The following RAD51B variants were observed in gnomAD, a reference collection of about 807,000 sequenced individuals.
RAD51B encodes the protein DNA repair protein RAD51 homolog 2.
In RAD51B, 38 loss-of-function variants were observed where a neutral mutation model predicts 42.2. That is an observed-to-expected ratio of 0.90 (90% confidence interval 0.70 to 1.18). The LOEUF is 1.18. Ranked by LOEUF, RAD51B falls within the 50% of genes most tolerant of loss-of-function variation. RAD51B has a pLI of 0.00. For missense variants in RAD51B, 373 were observed against 400.7 expected, an observed-to-expected ratio of 0.93 and a Z score of 0.59; for synonymous variants, 154 against 145.2, an observed-to-expected ratio of 1.06 and a Z score of -0.43.
intron 10 of RAD51B, among the ~76,000 whole-genome samples, chr14:68,511,036 G>C (rs1885694166): frequency 6.6e-6 from 1 of 152,118 alleles, no homozygotes; most frequent in Non-Finnish European, 1.5e-5. Flanking sequence ...ATCTAAAGCT[G>C]GTCTGGAATC....
intron 7 of RAD51B, among the ~76,000 whole-genome samples, chr14:67,971,816 T>C (rs908451163): frequency 6.6e-6 from 1 of 152,010 alleles, no homozygotes; most frequent in Admixed American, 6.6e-5. Flanking sequence ...CACATCACTC[T>C]GCTTTGCCTT....
intron 9 of RAD51B, among the ~76,000 whole-genome samples, chr14:68,461,671 T>C (rs1233875389): frequency 6.6e-6 from 1 of 152,200 alleles, no homozygotes; most frequent in Non-Finnish European, 1.5e-5. Flanking sequence ...TTTCTCTTTT[T>C]TGAGAGTCTT....
chr14:67,937,258 C>T (rs2044988475), intron 7 of RAD51B, among the ~76,000 whole-genome samples: 1 of 152,110 alleles, frequency 6.6e-6, no homozygotes, highest in African/African-American at 2.4e-5. Context: ...AACATAATGT[C>T]CTACAGCACA....
At chr14:68,293,739 C>T (rs1015563146) in intron 8 of RAD51B, among the ~76,000 whole-genome samples, 2 of 152,272 alleles carry the variant, frequency 1.3e-5, no homozygotes, top group Non-Finnish European at 2.9e-5. Flanking sequence ...TCCTCTGTGG[C>T]CGCTCTATCT....
chr14:67,884,509 A>G (rs981944419), intron 5 of RAD51B, among the ~76,000 whole-genome samples: 1 of 152,206 alleles, frequency 6.6e-6, no homozygotes, highest in African/African-American at 2.4e-5. Flanking sequence ...TTCTCTGACC[A>G]GCACTAAACT....
chr14:68,562,855 G>T, intron 10 of RAD51B: 1 of 985,370 alleles, frequency 1.0e-6, no homozygotes, highest in Non-Finnish European at 1.2e-6. Context: ...GTTCACAGCA[G>T]CTCTGGAAGA....
Position 68,673,615 on chromosome 14 carries a change from G to A in RAD51B, c.*11+22759G>A, listed in dbSNP as rs575348582. 3.5e-3 allele frequency among the ~76,000 whole-genome samples: 399 copies of A among 114,960 alleles called. 4 individuals carry two copies. The highest frequency in any genetic ancestry group is 0.013 in the African/African-American group (374 of 28,354). The allele number at this position is 114,960 out of a possible 152,430, so 75.4% of individuals were successfully genotyped here. A position where few individuals can be genotyped will look rare whatever the true frequency, so the allele number is the denominator to read the frequency against. ...CACATATGTACATGCACACACACAC[G>A]TACACATACTGTGCACACACATATG... is the stretch of plus-strand genomic sequence containing the variant. On this transcript the variant is annotated intron_variant, in intron 11 of 11. Coordinates refer to the RAD51B transcript ENST00000488612.
At chr14:68,358,004 G>A (rs12894080) in intron 8 of RAD51B, among the ~76,000 whole-genome samples, 18 of 152,062 alleles carry the variant, frequency 1.2e-4, no homozygotes, top group African/African-American at 2.7e-4. Context: ...CAATGTTGTC[G>A]TGTCTCAGGA....
intron 10 of RAD51B, among the ~76,000 whole-genome samples, chr14:68,619,356 A>G (rs1419769490): frequency 6.6e-6 from 1 of 151,796 alleles, no homozygotes; most frequent in Non-Finnish European, 1.5e-5. Flanking sequence ...CCAGCTACTC[A>G]GGAGGCTGAG....
At chr14:68,046,935 TTTTTGTTTTG>T (rs1164653478) in intron 7 of RAD51B, among the ~76,000 whole-genome samples, 2 of 151,878 alleles carry the variant, frequency 1.3e-5, no homozygotes, top group African/African-American at 2.4e-5. Flanking sequence ...GGATCCTGTT[TTTTTGTTTTG>T]TTTTGTTTTT....
intron 5 of RAD51B, among the ~76,000 whole-genome samples, chr14:67,879,729 T>C (rs1176328922): frequency 8.5e-5 from 13 of 152,252 alleles, no homozygotes; most frequent in Non-Finnish European, 1.3e-4. Flanking sequence ...GACAGCCTGA[T>C]TCTAATATCT....
chr14:68,666,996 A>G (rs1893044816), intron 11 of RAD51B, among the ~76,000 whole-genome samples: 1 of 152,232 alleles, frequency 6.6e-6, no homozygotes, highest in African/African-American at 2.4e-5. Flanking sequence ...GATGACAGCA[A>G]TCCTGAAGTC....
intron 7 of RAD51B, among the ~76,000 whole-genome samples, chr14:68,209,961 C>CT (rs111751838): frequency 1.3e-3 from 184 of 142,094 alleles, no homozygotes; most frequent in East Asian, 2.0e-3. Context: ...CTAGGAATAC[C>CT]TTTTTTTTTT....
At position 67,938,459 on chromosome 14, in the gene RAD51B, G is replaced by T. The variant is rs115032638; in HGVS notation, c.756+51255G>T. Among the ~76,000 whole-genome samples, 1,343 of 152,310 alleles carry T rather than the reference G, an allele frequency of 8.8e-3. 20 individuals are homozygous for T. The highest frequency in any genetic ancestry group is 0.03 in the African/African-American group (1,264 of 41,552). Reference sequence around the variant, plus strand: ...TGTCAGTATTGCTCCTTCAAGTGGAGGGACTAATTTGTAATCATGAGCATA... The same window carrying T: ...TGTCAGTATTGCTCCTTCAAGTGGATGGACTAATTTGTAATCATGAGCATA... On this transcript the variant is annotated intron_variant, in intron 7 of 10. Coordinates refer to ENST00000471583, the MANE Select transcript of RAD51B (RefSeq NM_133510.4).
chr14:68,265,569 G>C (rs1445049587), intron 7 of RAD51B, among the ~76,000 whole-genome samples: 4 of 143,376 alleles, frequency 2.8e-5, no homozygotes, highest in Non-Finnish European at 6.0e-5. Context: ...GGCCAATATG[G>C]TAAAACCCCA....
chr14:68,251,543 T>C (rs1453840779), intron 7 of RAD51B, among the ~76,000 whole-genome samples: 7 of 152,216 alleles, frequency 4.6e-5, no homozygotes, highest in Non-Finnish European at 1.0e-4. Context: ...AAGGAAATAA[T>C]TTTAAGAAAA....
intron 10 of RAD51B, among the ~76,000 whole-genome samples, chr14:68,607,548 A>G (rs1595022851): frequency 6.6e-6 from 1 of 152,084 alleles, no homozygotes. Flanking sequence ...TTCTGTTTAC[A>G]CTGGGAGATG....
At chr14:68,555,790 T>G (rs1488763441) in intron 10 of RAD51B, among the ~76,000 whole-genome samples, 1 of 152,214 alleles carries the variant, frequency 6.6e-6, no homozygotes, top group African/African-American at 2.4e-5. Flanking sequence ...GGTGAAATCA[T>G]AGACAGCACT....
At chr14:68,679,597 T>G (rs961529660) in intron 11 of RAD51B, among the ~76,000 whole-genome samples, 6 of 152,228 alleles carry the variant, frequency 3.9e-5, no homozygotes, top group Non-Finnish European at 7.3e-5. Flanking sequence ...ACTGTGAAAA[T>G]ACAGTATTAA....
Sources: gnomAD v4.1 joint callset for allele counts (sites outside exome capture counted in the v4.1 genomes callset) on GRCh38, gnomAD v4.1.1 for gene constraint, MANE v1.5 for transcripts, NCBI Gene and HGNC (gene_info 2026-07-23, HGNC 2026-07-21) for gene names.